The following CPLANE1 variants were observed in gnomAD, a reference collection of about 807,000 sequenced individuals.
The protein encoded by CPLANE1 is ciliogenesis and planar polarity effector complex subunit 1, also known as ciliogenesis and planar polarity effector 1.
CPLANE1 carries 263 observed loss-of-function variants against 362.5 expected under a neutral mutation model. That is an observed-to-expected ratio of 0.73 (90% CI 0.66 to 0.80). The LOEUF is 0.80. CPLANE1 is among the 30% of genes least tolerant of loss of function. The pLI is 0.00. For synonymous variants in CPLANE1, 1,212 were observed against 1,302.6 expected, an observed-to-expected ratio of 0.93 and a Z score of 1.50; for missense variants, 3,461 against 3,793.4, an observed-to-expected ratio of 0.91 and a Z score of 2.30.
rs1193339557 is a variant in CPLANE1 at position 37,114,997 on chromosome 5, T to C, written c.9363A>G (p.Val3121=). ...QKKAGGAKAA[V]RKATQSPVTF... ...TAACTGGAGACTGCGTAGCCTTTCTTACTGCTGCTTTGGCTCCACCAGCTT... is the reference window on the plus strand; with the variant it reads ...TAACTGGAGACTGCGTAGCCTTTCTCACTGCTGCTTTGGCTCCACCAGCTT... The change falls in exon 51 of 53, where the codon GTA becomes GTG. Residue 3121 remains valine (V), a synonymous_variant. Transcript: ENST00000651892. The C allele has an allele frequency of 1.9e-6, 3 of 1,611,726 alleles. No individual in the cohort carries two copies. The highest frequency in any genetic ancestry group is 2.5e-6 in the Non-Finnish European group (3 of 1,178,602).
In CPLANE1 at chr5:37,121,880, G is replaced by C. The variant is rs78125915; in HGVS notation, c.9018-96C>G. 8.0e-6 allele frequency: 8 copies of C among 996,380 alleles called. No homozygotes were observed. The East Asian group carries it at 2.2e-4, about 28-fold the overall frequency. 61.7% of individuals were successfully genotyped at this position (996,380 alleles called of 1,614,324 possible). On this transcript the variant is annotated intron_variant, in intron 48 of 52. Transcript: ENST00000651892. ...GTTTGAAGATCACCTAGCATGTTCTGGTTTTTTTTTTTTTTTGAGACGGAG... is the reference window on the plus strand; with the variant it reads ...GTTTGAAGATCACCTAGCATGTTCTCGTTTTTTTTTTTTTTTGAGACGGAG...
At chr5:37,123,829 T>C (rs1763376683) in intron 47 of CPLANE1, among the ~76,000 whole-genome samples, 1 of 151,990 alleles carries the variant, frequency 6.6e-6, no homozygotes, top group African/African-American at 2.4e-5. Flanking sequence ...CCTAGCCAAT[T>C]TATTCTAAAT....
chr5:37,157,490 G>A, intron 40 of CPLANE1, 70 bp from the exon 41 acceptor site: 2 of 1,250,950 alleles, frequency 1.6e-6, no homozygotes, highest in Non-Finnish European at 2.3e-6. Context: ...AGCATTCAAA[G>A]ACTGATTCTA....
chr5:37,135,819 G>T (rs1427587696), intron 46 of CPLANE1, among the ~76,000 whole-genome samples: 1 of 151,496 alleles, frequency 6.6e-6, no homozygotes, highest in Non-Finnish European at 1.5e-5. Flanking sequence ...AAAAGAGCGA[G>T]ACTCTGTCTC....
At chr5:37,085,495 G>A in the CPLANE1 span, 12 of 807,620 alleles carry the variant, frequency 1.5e-5, no homozygotes, top group African/African-American at 3.4e-5. Context: ...CACAGCATCC[G>A]CTACCTTGAT....
chr5:37,095,984 T>C, the CPLANE1 span, among the ~76,000 whole-genome samples: 1 of 152,124 alleles, frequency 6.6e-6, no homozygotes, highest in African/African-American at 2.4e-5. Flanking sequence ...ATCAATATTG[T>C]AAAAATGACC....
In CPLANE1 at chr5:37,193,814, C is replaced by G. The variant is rs1786375027; in HGVS notation, c.3811+2044G>C. Among the ~76,000 whole-genome samples, 5 of 152,114 alleles carry G rather than the reference C, an allele frequency of 3.3e-5. No individual in the cohort carries two copies. The South Asian group carries it at 1.0e-3, about 32-fold the overall frequency. ...AGATCAGTAGCAAGATCATAGCTCACTGCAGCCTAGAAATCCTGGGCGCAA... is the reference window on the plus strand; with the variant it reads ...AGATCAGTAGCAAGATCATAGCTCAGTGCAGCCTAGAAATCCTGGGCGCAA... On this transcript the variant is annotated intron_variant, in intron 21 of 52. Transcript: ENST00000651892.
intron 31 of CPLANE1, 85 bp downstream of exon 31, chr5:37,175,824 A>T: frequency 1.1e-6 from 1 of 903,834 alleles, no homozygotes. Flanking sequence ...CAATTGTTTC[A>T]AAAATGGTAC....
chr5:37,079,794 C>T, the CPLANE1 span, among the ~76,000 whole-genome samples: 1 of 152,124 alleles, frequency 6.6e-6, no homozygotes, highest in African/African-American at 2.4e-5. Flanking sequence ...TAAGTGTTTT[C>T]CTCTTCTCAA....
At chr5:37,152,371 G>A (rs1001027311) in intron 42 of CPLANE1, among the ~76,000 whole-genome samples, 2 of 151,862 alleles carry the variant, frequency 1.3e-5, no homozygotes, top group Admixed American at 6.6e-5. Flanking sequence ...ATGAGGTCTC[G>A]CTACGTTGCC....
In CPLANE1 at chr5:37,154,098, C is replaced by T. The variant is rs890966663; in HGVS notation, c.8120-105G>A. 8.5e-6 allele frequency: 8 copies of T among 943,838 alleles called. No individual in the cohort carries two copies. In the African/African-American group the frequency reaches 1.2e-4, roughly 14 times the overall value. 58.5% of individuals were successfully genotyped at this position (943,838 alleles called of 1,614,324 possible). On this transcript the variant is annotated intron_variant, in intron 41 of 52. Coordinates refer to ENST00000651892, the MANE Select transcript of CPLANE1 (RefSeq NM_001384732.1). ...TTCATTTTAAACCAACACAACACTACTTTCCAAATCAGTTTTAATTAAATA... is the reference window on the plus strand; with the variant it reads ...TTCATTTTAAACCAACACAACACTATTTTCCAAATCAGTTTTAATTAAATA...
chr5:37,239,287 G>T (rs906385080), intron 7 of CPLANE1, among the ~76,000 whole-genome samples: 5 of 151,996 alleles, frequency 3.3e-5, no homozygotes, highest in African/African-American at 1.2e-4. Flanking sequence ...CCAACTTAAA[G>T]AATATAAAGC....
chr5:37,170,171 T>G lies in CPLANE1; in HGVS notation c.6332A>C (p.Lys2111Thr). Reference sequence around the variant, plus strand: ...AATAAAAAATCTCTCCTTAAGATTTTTGTTGCTGTCTTCAACATCACCACA... The same window carrying G: ...AATAAAAAATCTCTCCTTAAGATTTGTGTTGCTGTCTTCAACATCACCACA... ...RGCGDVEDSN[K>T]NLKERFFIKP... The change falls in exon 33 of 53, where the codon AAA becomes ACA. Residue 2111 changes from lysine to threonine, a missense_variant. This residue lies in a region of CPLANE1 where 3,380 missense variants were observed against 3,666.1 expected (regional missense o/e 0.92). Transcript: ENST00000651892. The G allele has an allele frequency of 6.2e-7, 1 of 1,614,206 alleles. No individual in the cohort carries two copies. The highest frequency in any genetic ancestry group is 8.5e-7 in the Non-Finnish European group (1 of 1,180,042).
rs551203227 is a variant in CPLANE1, at chr5:37,134,836, C to T, written c.8792+3884G>A. The stretch of plus-strand genomic sequence containing the variant: ...TTGAGAAAGTTTTGCTCTTGTTGCC[C>T]AGGCTGGAGTGCAATGGCATGATCT... On this transcript the variant is annotated intron_variant, in intron 46 of 52. Coordinates refer to ENST00000651892, the MANE Select transcript of CPLANE1 (RefSeq NM_001384732.1). Among the ~76,000 whole-genome samples, 34 of 150,972 alleles carry T rather than the reference C, an allele frequency of 2.3e-4. 1 individual carries two copies. The highest frequency in any genetic ancestry group is 2.6e-4 in the Admixed American group (4 of 15,152).
chr5:37,146,803 G>A (rs927933839), intron 43 of CPLANE1, among the ~76,000 whole-genome samples: 1 of 151,938 alleles, frequency 6.6e-6, no homozygotes. Flanking sequence ...TTAAAATAGT[G>A]TAGAAATTTT....
chr5:37,205,513 T>G, intron 17 of CPLANE1, 59 bp from the exon 18 acceptor site: 1 of 1,219,218 alleles, frequency 8.2e-7, no homozygotes, highest in Non-Finnish European at 1.1e-6. Context: ...AGGAAAGGTT[T>G]CACATATCAA....
chr5:37,088,718 GGGAGC>G, the CPLANE1 span, among the ~76,000 whole-genome samples: 1 of 152,176 alleles, frequency 6.6e-6, no homozygotes, highest in African/African-American at 2.4e-5. Context: ...AGCCACCACA[GGGAGC>G]ACAGGACTGG....
rs529885756 is a variant in CPLANE1 at position 37,110,803 on chromosome 5, CT to C, written c.9401-2333del. Among the ~76,000 whole-genome samples the C allele has an allele frequency of 7.4e-3, 920 of 125,010 alleles. 7 individuals carry two copies. Among genetic ancestry groups the C allele is most frequent in the African/African-American group, 0.024 (771 of 32,782 alleles). 82.0% of individuals were successfully genotyped at this position (125,010 alleles called of 152,430 possible). On this transcript the variant is annotated intron_variant, in intron 51 of 52. Coordinates refer to ENST00000651892, the MANE Select transcript of CPLANE1 (RefSeq NM_001384732.1). ...CCCAGAACCTGGGCTAATGTATTAA[CT>C]TTTTTTTTTTTTTTTTTTTTTGAGA...
intron 41 of CPLANE1, among the ~76,000 whole-genome samples, chr5:37,155,361 A>C (rs1774775758): frequency 6.6e-6 from 1 of 152,198 alleles, no homozygotes; most frequent in Admixed American, 6.5e-5. Context: ...GACTCCAAAC[A>C]TAATGAACTT....
Sources: allele counts gnomAD v4.1 joint callset (sites outside exome capture counted in the v4.1 genomes callset), GRCh38; gene constraint gnomAD v4.1.1; regional missense constraint gnomAD v4.1.1; transcripts MANE v1.5; gene names NCBI Gene and HGNC (gene_info 2026-07-23, HGNC 2026-07-21).